GRIK4: variants seen among roughly 807,000 people sequenced by gnomAD.
GRIK4 encodes glutamate ionotropic receptor kainate type subunit 4, also known as glutamate receptor ionotropic, kainate 4.
GRIK4 carries 40 observed loss-of-function variants against 104.9 expected under a neutral mutation model. The ratio of observed to expected loss-of-function variants is 0.38; its 90% CI spans 0.30 to 0.50. GRIK4 has a LOEUF of 0.50. Among genes scored for constraint, GRIK4 ranks in the 20% least tolerant of loss-of-function variants. The probability of loss-of-function intolerance (pLI) is 0.93; values close to 1 mark genes in which losing one functional copy is unlikely to be tolerated. For missense variants in GRIK4, 1,047 were observed against 1,308.1 expected, an observed-to-expected ratio of 0.80 and a Z score of 3.08; for synonymous variants, 485 against 524.9, an observed-to-expected ratio of 0.92 and a Z score of 1.04.
intron 1 of GRIK4, among the ~76,000 whole-genome samples, chr11:120,613,670 C>A (rs185497360): frequency 4.6e-5 from 7 of 152,180 alleles, no homozygotes; most frequent in African/African-American, 4.8e-5. Flanking sequence ...CGTGTTTTTC[C>A]ATCCCCAAAA....
chr11:120,606,408 C>T (rs1224562486), intron 1 of GRIK4, among the ~76,000 whole-genome samples: 1 of 152,200 alleles, frequency 6.6e-6, no homozygotes, highest in Non-Finnish European at 1.5e-5. Flanking sequence ...TTACATAGCG[C>T]TGTAAACATT....
intron 1 of GRIK4, among the ~76,000 whole-genome samples, chr11:120,581,153 A>G (rs1386071191): frequency 6.6e-6 from 1 of 152,196 alleles, no homozygotes; most frequent in Non-Finnish European, 1.5e-5. Flanking sequence ...TATTCCAGAT[A>G]CAAGTCCTTT....
intron 1 of GRIK4, among the ~76,000 whole-genome samples, chr11:120,566,964 C>T (rs1173906049): frequency 1.4e-5 from 2 of 145,304 alleles, no homozygotes; most frequent in Non-Finnish European, 3.0e-5. Context: ...ACCTCGGCCT[C>T]CTAATTTTTT....
chr11:120,771,408 A>G (rs988345673), intron 3 of GRIK4, among the ~76,000 whole-genome samples: 47 of 152,344 alleles, frequency 3.1e-4, no homozygotes, highest in African/African-American at 1.1e-3. Context: ...CTAACTTGTG[A>G]GCAATGAAAC....
chr11:120,649,069 G>A (rs1357239774), intron 1 of GRIK4, among the ~76,000 whole-genome samples: 1 of 152,114 alleles, frequency 6.6e-6, no homozygotes, highest in East Asian at 1.9e-4. Context: ...GGGTGGCATG[G>A]GCCCTGCATG....
chr11:120,919,409 G>A (rs571751152), intron 13 of GRIK4, among the ~76,000 whole-genome samples: 6 of 152,188 alleles, frequency 3.9e-5, no homozygotes, highest in Non-Finnish European at 8.8e-5. Flanking sequence ...TAGATCTTTG[G>A]TGTAAACTTT....
chr11:120,932,100 C>T (rs570728169), intron 13 of GRIK4, among the ~76,000 whole-genome samples: 5 of 152,084 alleles, frequency 3.3e-5, no homozygotes, highest in Admixed American at 6.5e-5. Context: ...CCTGTTCCAC[C>T]TTCTCATGGT....
intron 5 of GRIK4, among the ~76,000 whole-genome samples, chr11:120,817,955 C>T (rs894785526): frequency 6.6e-6 from 1 of 152,240 alleles, no homozygotes; most frequent in Non-Finnish European, 1.5e-5. Context: ...CACATTTTAT[C>T]CTCCCAGAGC....
chr11:120,656,445 C>A (rs1208261707), intron 2 of GRIK4, among the ~76,000 whole-genome samples: 3 of 152,214 alleles, frequency 2.0e-5, no homozygotes, highest in Admixed American at 6.5e-5. Context: ...TACAGACATG[C>A]AACATGGTGG....
chr11:120,749,997 T>G (rs1056353755), intron 3 of GRIK4, among the ~76,000 whole-genome samples: 4 of 152,112 alleles, frequency 2.6e-5, no homozygotes, highest in African/African-American at 4.8e-5. Context: ...CCAGCAGCCT[T>G]GGGTAGAAAA....
At chr11:120,759,245 T>A (rs974230722) in intron 3 of GRIK4, among the ~76,000 whole-genome samples, 1 of 152,140 alleles carries the variant, frequency 6.6e-6, no homozygotes, top group African/African-American at 2.4e-5. Flanking sequence ...AAGCTTTTGG[T>A]TGCAAGTCAC....
chr11:120,928,326 G>C (rs1943400256), intron 13 of GRIK4, among the ~76,000 whole-genome samples: 1 of 152,016 alleles, frequency 6.6e-6, no homozygotes, highest in South Asian at 2.1e-4. Context: ...TAAGAAGCAG[G>C]ACCTCACATG....
chr11:120,819,506 G>A lies in GRIK4; in HGVS notation c.346-249G>A, dbSNP rs1591953853. On this transcript the variant is annotated intron_variant, in intron 5 of 20. Transcript: ENST00000527524. The surrounding 1 kb of genome is among the most constrained non-coding windows in gnomAD (Gnocchi z 4.3). ...AGACCCCAGCTTGCAGACCCACGGT[G>A]CATTCATCCGGGTCTCTGGACAAAT... Among the ~76,000 whole-genome samples the A allele has an allele frequency of 2.0e-5, 3 of 152,312 alleles. No homozygotes were observed. The East Asian group carries it at 5.8e-4, about 29-fold the overall frequency.
intron 3 of GRIK4, among the ~76,000 whole-genome samples, chr11:120,798,191 A>AGT (rs1952558836): frequency 1.1e-5 from 1 of 94,588 alleles, no homozygotes; most frequent in Non-Finnish European, 1.9e-5. Context: ...TTGGAGATGG[A>AGT]GTCTTGCCCT....
At chr11:120,893,223 A>G (rs985343887) in intron 11 of GRIK4, among the ~76,000 whole-genome samples, 1 of 152,242 alleles carries the variant, frequency 6.6e-6, no homozygotes, top group African/African-American at 2.4e-5. Flanking sequence ...CCCAAATTTT[A>G]ATGCCTCAGG....
At chr11:120,901,080 A>G (rs1942724328) in intron 12 of GRIK4, among the ~76,000 whole-genome samples, 1 of 152,138 alleles carries the variant, frequency 6.6e-6, no homozygotes, top group African/African-American at 2.4e-5. Context: ...GAGCCGCTCC[A>G]TACTCTGCTG....
chr11:120,595,634 C>T (rs1245858819), intron 1 of GRIK4, among the ~76,000 whole-genome samples: 1 of 152,128 alleles, frequency 6.6e-6, no homozygotes, highest in Non-Finnish European at 1.5e-5. Context: ...GTTCTTTAGT[C>T]TCTGTCACTT....
intron 3 of GRIK4, among the ~76,000 whole-genome samples, chr11:120,699,851 GGGTCC>G (rs1294204928): frequency 1.3e-5 from 2 of 152,180 alleles, no homozygotes; most frequent in African/African-American, 4.8e-5. Context: ...CATGCCCAGG[GGGTCC>G]ATGTGGCCAG....
chr11:120,890,162 T>A (rs1955243732), intron 11 of GRIK4, among the ~76,000 whole-genome samples: 1 of 152,142 alleles, frequency 6.6e-6, no homozygotes, highest in African/African-American at 2.4e-5. Flanking sequence ...TATTGTGGCT[T>A]GTCAAAGGCC....
Sources: gnomAD v4.1 joint callset for allele counts (sites outside exome capture counted in the v4.1 genomes callset) on GRCh38, gnomAD v4.1.1 for gene constraint, Gnocchi (gnomAD v3.1) non-coding constraint, MANE v1.5 for transcripts, NCBI Gene and HGNC (gene_info 2026-07-23, HGNC 2026-07-21) for gene names.